Variants in MYO18B observed in about 807,000 individuals in gnomAD.
The protein encoded by MYO18B is myosin XVIIIB.
A neutral mutation model predicts 273.0 loss-of-function variants in MYO18B; 204 were observed. That is an observed-to-expected ratio of 0.75 (90% confidence interval 0.67 to 0.84). MYO18B has a LOEUF of 0.84. Ranked by LOEUF, MYO18B falls within the 40% of genes least tolerant of loss-of-function variation. MYO18B has a pLI of 0.00. For synonymous variants in MYO18B, 1,330 were observed against 1,305.7 expected (o/e 1.02, Z -0.40); for missense variants, 3,212 against 3,287.6 (o/e 0.98, Z 0.56).
intron 11 of MYO18B, among the ~76,000 whole-genome samples, chr22:25,789,537 G>A (rs2087561173): frequency 6.6e-6 from 1 of 151,958 alleles, no homozygotes; most frequent in South Asian, 2.1e-4. Flanking sequence ...TTGGGAGGCT[G>A]AGGCAGGAGA....
intron 11 of MYO18B, among the ~76,000 whole-genome samples, chr22:25,791,455 T>G (rs986459876): frequency 1.3e-5 from 2 of 152,262 alleles, no homozygotes; most frequent in Admixed American, 1.3e-4. Context: ...TTTCTCCTCT[T>G]AGTCCTCACA....
rs1601879110 is a variant in MYO18B at position 26,030,518 on chromosome 22, G to A, written c.*88G>A. 1.8e-5 allele frequency: 3 copies of A among 170,560 alleles called. No individual in the cohort carries two copies. Among genetic ancestry groups the A allele is most frequent in the East Asian group, 1.5e-4 (1 of 6,530 alleles). 10.6% of individuals were successfully genotyped at this position (170,560 alleles called of 1,614,324 possible). ...ACAGAGAGACTGGCCAGGCCTCCCC[G>A]GTGGCCAGAGCCAGCCAGCATGGCC... is the stretch of plus-strand genomic sequence containing the variant. On this transcript the variant is annotated 3_prime_UTR_variant, in exon 44 of 44. Transcript: ENST00000335473.
chr22:25,940,980 G>A (rs1034171905), intron 34 of MYO18B, among the ~76,000 whole-genome samples: 1 of 152,106 alleles, frequency 6.6e-6, no homozygotes, highest in African/African-American at 2.4e-5. Context: ...TGGGGAAGCC[G>A]GGCTGATTTA....
In MYO18B at chr22:25,835,368, G is replaced by T. The variant is rs769013297; in HGVS notation, c.3133G>T (p.Val1045Leu). The T allele has an allele frequency of 6.2e-7, 1 of 1,614,020 alleles. No homozygotes were observed. Among genetic ancestry groups the T allele is most frequent in the African/African-American group, 1.3e-5 (1 of 75,050 alleles). Reference sequence around the variant, plus strand: ...CTGGGTCTTAGATGAGGAAGTCCATGTAGAGGGCTCCAGTGACAGTGTGGT... The same window carrying T: ...CTGGGTCTTAGATGAGGAAGTCCATTTAGAGGGCTCCAGTGACAGTGTGGT... ...LFWVLDEEVH[V>L]EGSSDSVVLE... The change falls in exon 17 of 44, where the codon GTA becomes TTA. Residue 1045 changes from valine (V) to leucine (L), a missense_variant. Val to Leu is a conservative substitution (Grantham distance 32). Coordinates refer to ENST00000335473, the MANE Select transcript of MYO18B (RefSeq NM_032608.7).
At chr22:25,945,348 T>G (rs2092691846) in intron 34 of MYO18B, among the ~76,000 whole-genome samples, 1 of 151,982 alleles carries the variant, frequency 6.6e-6, no homozygotes, top group East Asian at 1.9e-4. Context: ...ACAAAGAGGT[T>G]GTCATTAGCT....
intron 19 of MYO18B, 91 bp from the exon 20 acceptor site, chr22:25,847,339 G>C: frequency 1.7e-6 from 2 of 1,209,816 alleles, no homozygotes. Context: ...AAGATGCTCA[G>C]GTTGGGCTTA....
intron 19 of MYO18B, 129 bp from the exon 20 acceptor site, chr22:25,847,301 C>A: frequency 1.5e-6 from 1 of 673,268 alleles, no homozygotes; most frequent in Non-Finnish European, 2.6e-6. Context: ...TAGGTGGGAG[C>A]TCCTTGGTGT....
At chr22:25,881,698 C>T (rs2091340607) in intron 25 of MYO18B, among the ~76,000 whole-genome samples, 1 of 152,176 alleles carries the variant, frequency 6.6e-6, no homozygotes, top group South Asian at 2.1e-4. Flanking sequence ...GGTGGGGGCT[C>T]AGGCTTCTGC....
intron 34 of MYO18B, among the ~76,000 whole-genome samples, chr22:25,939,589 C>A (rs2092620474): frequency 6.6e-6 from 1 of 152,138 alleles, no homozygotes; most frequent in African/African-American, 2.4e-5. Context: ...GGTCATGTGC[C>A]CCTCTTTGAG....
chr22:25,928,482 G>A (rs2092452600), intron 34 of MYO18B, among the ~76,000 whole-genome samples: 1 of 149,980 alleles, frequency 6.7e-6, no homozygotes, highest in South Asian at 2.1e-4. Context: ...GGCTCTACCA[G>A]CAGCAACAGT....
chr22:25,791,495 C>T (rs1252773839), intron 11 of MYO18B, among the ~76,000 whole-genome samples: 2 of 152,224 alleles, frequency 1.3e-5, no homozygotes, highest in African/African-American at 4.8e-5. Flanking sequence ...CACATTGCAG[C>T]TTGTAAATGG....
At chr22:25,773,896 G>T (rs1254537248) in intron 7 of MYO18B, among the ~76,000 whole-genome samples, 2 of 152,192 alleles carry the variant, frequency 1.3e-5, no homozygotes, top group Non-Finnish European at 2.9e-5. Flanking sequence ...TTGGCTGCTG[G>T]GTGGAGGACA....
chr22:25,969,970 ATCT>A (rs1424942141), intron 39 of MYO18B, among the ~76,000 whole-genome samples: 2 of 152,164 alleles, frequency 1.3e-5, no homozygotes, highest in East Asian at 1.9e-4. Context: ...TTGCCATATC[ATCT>A]TCTTCATCAC....
intron 21 of MYO18B, among the ~76,000 whole-genome samples, chr22:25,855,906 C>T (rs1185090612): frequency 6.6e-6 from 1 of 151,042 alleles, no homozygotes; most frequent in African/African-American, 2.4e-5. Flanking sequence ...TTTCATGTTA[C>T]AAGGGTTTGG....
chr22:25,792,491 TCTTTTC>T (rs771509089), intron 11 of MYO18B, among the ~76,000 whole-genome samples: 4 of 96,444 alleles, frequency 4.1e-5, no homozygotes, highest in Non-Finnish European at 5.4e-5. Flanking sequence ...CTTTTTTTTT[TCTTTTC>T]TTTTTTTTTT....
intron 40 of MYO18B, among the ~76,000 whole-genome samples, chr22:25,997,837 T>A (rs757231035): frequency 3.3e-5 from 5 of 151,758 alleles, no homozygotes; most frequent in Non-Finnish European, 5.9e-5. Flanking sequence ...CACCCTGGGG[T>A]AAGAGGTTTG....
At chr22:25,793,188 A>C (rs144541401) in intron 11 of MYO18B, among the ~76,000 whole-genome samples, 254 of 152,306 alleles carry the variant, frequency 1.7e-3, no homozygotes, top group African/African-American at 6.0e-3. Flanking sequence ...AAACTCATTT[A>C]GTCCTCATAG....
In MYO18B at chr22:25,748,600, G is replaced by A. The variant is rs769974800; in HGVS notation, c.-110+6307G>A. On this transcript the variant is annotated intron_variant, in intron 1 of 43. Transcript: ENST00000335473. Reference sequence around the variant, plus strand: ...TGTAAAGGCCCCAGGTTCTGATGCTGAGGGGCATTTCTGGCAGCCTTCACA... The same window carrying A: ...TGTAAAGGCCCCAGGTTCTGATGCTAAGGGGCATTTCTGGCAGCCTTCACA... Among the ~76,000 whole-genome samples, 3 of 152,290 alleles carry A rather than the reference G, an allele frequency of 2.0e-5. No homozygotes were observed. In the South Asian group the frequency reaches 6.2e-4, roughly 32 times the overall value.
intron 21 of MYO18B, among the ~76,000 whole-genome samples, chr22:25,866,784 CAAA>C (rs56260207): frequency 0.012 from 488 of 40,056 alleles, no homozygotes; most frequent in African/African-American, 0.03. Flanking sequence ...GACTCCGTCT[CAAA>C]AAAAAAAAAA....
Sources: allele counts gnomAD v4.1 joint callset (sites outside exome capture counted in the v4.1 genomes callset), GRCh38; gene constraint gnomAD v4.1.1; transcripts MANE v1.5; gene names NCBI Gene and HGNC (gene_info 2026-07-23, HGNC 2026-07-21).